EPB41: variants seen among roughly 807,000 people sequenced by gnomAD.
EPB41 encodes the protein erythrocyte membrane protein band 4.1, also known as protein 4.1.
Under a neutral mutation model 108.0 loss-of-function variants are expected in EPB41, and 65 were observed. The ratio of observed to expected loss-of-function variants is 0.60; its 90% CI spans 0.49 to 0.74. The LOEUF is 0.74. Ranked by LOEUF, EPB41 falls within the 30% of genes least tolerant of loss-of-function variation. The pLI is 0.00. For missense variants in EPB41, 875 were observed against 1,037.0 expected (o/e 0.84, Z 2.15); for synonymous variants, 336 against 358.9 (o/e 0.94, Z 0.72).
At chr1:29,053,534 C>T (rs1006840248) in intron 12 of EPB41, 41 of 549,706 alleles carry the variant, frequency 7.5e-5, no homozygotes, top group African/African-American at 6.9e-4. Flanking sequence ...AGGTGACCCA[C>T]TCCTTGACCC....
rs2092453164 is a variant in EPB41, at chr1:28,914,660, G to A, written c.-116G>A. 1 of 151,830 alleles carries A rather than the reference G, an allele frequency of 6.6e-6. No homozygotes were observed. The highest frequency in any genetic ancestry group is 1.5e-5 in the Non-Finnish European group (1 of 67,794). 9.4% of individuals were successfully genotyped at this position (151,830 alleles called of 1,614,324 possible). A position where few individuals can be genotyped will look rare whatever the true frequency, so the allele number is the denominator to read the frequency against. ...GTCAGTCAGCCAGCAGCAGCCGGCG[G>A]GCCCGCGAGCCGCAGAGGGCCCGAG... On this transcript the variant is annotated 5_prime_UTR_variant, in exon 1 of 21. Transcript: ENST00000343067.
chr1:29,082,742 T>C (rs1479071311), intron 16 of EPB41, among the ~76,000 whole-genome samples: 1 of 152,208 alleles, frequency 6.6e-6, no homozygotes, highest in South Asian at 2.1e-4. Context: ...TCATTTGATC[T>C]GTGGAGTCCT....
intron 9 of EPB41, among the ~76,000 whole-genome samples, chr1:29,034,808 A>G (rs376773952): frequency 1.3e-5 from 2 of 152,192 alleles, no homozygotes; most frequent in African/African-American, 4.8e-5. Context: ...CATGGTGACT[A>G]TCATTAATAA....
intron 1 of EPB41, among the ~76,000 whole-genome samples, chr1:28,891,195 T>C (rs1046237557): frequency 5.9e-5 from 9 of 152,218 alleles, no homozygotes; most frequent in African/African-American, 2.2e-4. Context: ...TGGACTTAAA[T>C]GAGTGTAGAC....
chr1:29,087,941 CT>C (rs1304945290), intron 16 of EPB41, among the ~76,000 whole-genome samples: 6 of 151,424 alleles, frequency 4.0e-5, no homozygotes, highest in South Asian at 2.1e-4. Flanking sequence ...GTCTAATATT[CT>C]TTTTTTCATA....
intron 9 of EPB41, among the ~76,000 whole-genome samples, chr1:29,035,600 A>G (rs1639144775): frequency 1.3e-5 from 2 of 152,122 alleles, no homozygotes; most frequent in African/African-American, 4.8e-5. Context: ...AAAAGCTTAA[A>G]TTATATGAGA....
intron 11 of EPB41, among the ~76,000 whole-genome samples, chr1:29,048,368 C>T (rs1643895120): frequency 6.6e-6 from 1 of 152,094 alleles, no homozygotes; most frequent in African/African-American, 2.4e-5. Context: ...GCATGCACCA[C>T]CACGCCCGGC....
chr1:29,055,568 C>T (rs1645210232), intron 12 of EPB41, among the ~76,000 whole-genome samples: 1 of 151,814 alleles, frequency 6.6e-6, no homozygotes, highest in African/African-American at 2.4e-5. Flanking sequence ...TGAAATGAGA[C>T]TGAAGGCCAC....
chr1:29,018,515 T>A lies in EPB41; in HGVS notation c.1124+73T>A. ...TTAAACACAACATGGTATTGGTTCA[T>A]TGTTTGCCTAAGAGGGATCATGGTG... On this transcript the variant is annotated intron_variant, in intron 7 of 20. Transcript: ENST00000343067. This position sits in a 1 kb window ranked among gnomAD's most constrained non-coding sequence, Gnocchi z 4.4. 6.9e-7 allele frequency: 1 copy of A among 1,452,848 alleles called. No homozygotes were observed. Among genetic ancestry groups the A allele is most frequent in the Non-Finnish European group, 9.7e-7 (1 of 1,035,426 alleles). The allele number at this position is 1,452,848 out of a possible 1,614,324, so 90.0% of individuals were successfully genotyped here.
chr1:28,910,188 C>T (rs1477997665), upstream of EPB41, among the ~76,000 whole-genome samples: 3 of 152,092 alleles, frequency 2.0e-5, no homozygotes, highest in Admixed American at 6.6e-5. Context: ...TAGTGACTTA[C>T]ATTTTTTCTT....
intron 15 of EPB41, among the ~76,000 whole-genome samples, chr1:29,061,623 A>G (rs1053583120): frequency 8.8e-6 from 1 of 114,028 alleles, no homozygotes; most frequent in Non-Finnish European, 1.6e-5. Flanking sequence ...AGTGTTACCC[A>G]GGCTGGAGTG....
intron 4 of EPB41, 95 bp from the exon 5 acceptor site, chr1:29,011,770 G>T: frequency 7.8e-7 from 1 of 1,286,148 alleles, no homozygotes; most frequent in Non-Finnish European, 1.1e-6. Flanking sequence ...TTGATCTGGA[G>T]GCACTATTTG....
chr1:28,888,729 G>A (rs1030540351), intron 1 of EPB41, among the ~76,000 whole-genome samples: 4 of 152,156 alleles, frequency 2.6e-5, no homozygotes, highest in Non-Finnish European at 2.9e-5. Flanking sequence ...CCGGATTCAC[G>A]CCATTCTCCT....
In EPB41 at chr1:29,047,392, A is replaced by G. The variant is rs371089893; in HGVS notation, c.1637-5712A>G. Among the ~76,000 whole-genome samples, 41 of 148,598 alleles carry G rather than the reference A, an allele frequency of 2.8e-4. No individual in the cohort carries two copies. In the South Asian group the frequency reaches 8.5e-3, roughly 31 times the overall value. ...AGCGTCCTGAGTAGCTGGTACCACA[A>G]GTTCACGCTACCGCGCCTGGCTAAT... On this transcript the variant is annotated intron_variant, in intron 11 of 20. Coordinates refer to ENST00000343067, the MANE Select transcript of EPB41 (RefSeq NM_001376013.1).
At chr1:29,053,480 G>T in intron 12 of EPB41, 168 bp downstream of exon 12, 1 of 789,678 alleles carries the variant, frequency 1.3e-6, no homozygotes, top group Non-Finnish European at 2.2e-6. Context: ...AAATATTTTC[G>T]TAGAGTTATG....
rs2096073799 is a variant in EPB41, at chr1:28,993,498, A to G, written c.637A>G (p.Lys213Glu). The G allele has an allele frequency of 6.2e-6, 10 of 1,614,130 alleles. No homozygotes were observed. The highest frequency in any genetic ancestry group is 8.5e-6 in the Non-Finnish European group (10 of 1,180,028). The change falls in exon 3 of 21, where the codon AAG becomes GAG. Residue 213 changes from lysine to glutamate, a missense_variant. Physicochemically the swap from Lys to Glu is moderately conservative, Grantham distance 56. Transcript: ENST00000343067. ...PIRKHRNMHC[K>E]VSLLDDTVYE... is the part of the protein sequence containing the mutation. ...CAGAAAACACAGGAACATGCACTGCAAGGTTTCTTTGTTGGATGACACAGT... is the reference window on the plus strand; with the variant it reads ...CAGAAAACACAGGAACATGCACTGCGAGGTTTCTTTGTTGGATGACACAGT...
chr1:29,085,677 A>AG (rs1426460764), intron 16 of EPB41, among the ~76,000 whole-genome samples: 2 of 151,910 alleles, frequency 1.3e-5, no homozygotes, highest in Non-Finnish European at 2.9e-5. Context: ...CAGCCTCCTT[A>AG]GTGGCTGGGA....
rs146663694 is a variant in EPB41, at chr1:28,987,557, A to G, written c.120A>G (p.Gln40=). ...AACCTCAGCAGGAGGAATCTTGTCA[A>G]ACAGCAGCTGAAGGAGATAATTGGT... ...QQEPQQEESC[Q]TAAEGDNWCE... The change falls in exon 2 of 21, where the codon CAA becomes CAG. Residue 40 remains glutamine, a synonymous_variant. Coordinates refer to ENST00000343067, the MANE Select transcript of EPB41 (RefSeq NM_001376013.1). 7.0e-4 allele frequency: 1,137 copies of G among 1,614,182 alleles called. 10 individuals are homozygous for G. The African/African-American group carries it at 0.013, about 18-fold the overall frequency.
Position 29,115,829 on chromosome 1 carries a change from A to T in EPB41, c.*6+26A>T. 1 of 1,570,070 alleles carries T rather than the reference A, an allele frequency of 6.4e-7. No individual in the cohort carries two copies. The highest frequency in any genetic ancestry group is 8.8e-7 in the Non-Finnish European group (1 of 1,140,438). ...GTACTGGGCGTTCCTGCTGGGGCTG[A>T]GGGTGCCCACAGTCCCAGCCTGAGA... is the stretch of plus-strand genomic sequence containing the variant. On this transcript the variant is annotated intron_variant, in intron 20 of 20. Coordinates refer to ENST00000343067, the MANE Select transcript of EPB41 (RefSeq NM_001376013.1). The surrounding 1 kb of genome is among the most constrained non-coding windows in gnomAD (Gnocchi z 4.4).
Sources: gnomAD v4.1 joint callset for allele counts (sites outside exome capture counted in the v4.1 genomes callset) on GRCh38, gnomAD v4.1.1 for gene constraint, Gnocchi (gnomAD v3.1) non-coding constraint, MANE v1.5 for transcripts, NCBI Gene and HGNC (gene_info 2026-07-23, HGNC 2026-07-21) for gene names.